Variants in CDC40 observed in about 807,000 individuals in gnomAD.
CDC40 encodes the protein pre-mRNA-processing factor 17.
A neutral mutation model predicts 80.6 loss-of-function variants in CDC40; 27 were observed. That is an observed-to-expected ratio of 0.33 (90% CI 0.25 to 0.46). CDC40 has a LOEUF of 0.46. Among genes scored for constraint, CDC40 ranks in the 20% least tolerant of loss-of-function variants. CDC40 has a pLI of 1.00. For synonymous variants in CDC40, 221 were observed against 232.6 expected, an observed-to-expected ratio of 0.95 and a Z score of 0.45; for missense variants, 486 against 694.1, an observed-to-expected ratio of 0.70 and a Z score of 3.37.
chr6:110,212,770 A>G (rs73537949), intron 7 of CDC40, among the ~76,000 whole-genome samples: 35,251 of 152,138 alleles, frequency 0.23, 6,218 homozygotes, highest in African/African-American at 0.49. Context: ...ATTCCAACTT[A>G]TAATTTCCAA....
chr6:110,215,217 CTGT>C, intron 8 of CDC40, 66 bp from the exon 9 acceptor site: 1 of 1,185,462 alleles, frequency 8.4e-7, no homozygotes, highest in African/African-American at 1.5e-5. Context: ...CAGCATAGGG[CTGT>C]TGTTATTAAT....
intron 5 of CDC40, among the ~76,000 whole-genome samples, chr6:110,209,718 G>C (rs1215640688): frequency 1.3e-5 from 2 of 151,984 alleles, no homozygotes; most frequent in Non-Finnish European, 2.9e-5. Flanking sequence ...CTGTCTCCAT[G>C]AGCCAGAGAG....
intron 1 of CDC40, among the ~76,000 whole-genome samples, chr6:110,192,887 A>G (rs1777369937): frequency 1.3e-5 from 2 of 152,218 alleles, no homozygotes; most frequent in Non-Finnish European, 2.9e-5. Flanking sequence ...TTTTGAGTTA[A>G]TAACAAAGAA....
chr6:110,211,009 T>G (rs1212533465), intron 6 of CDC40: 4 of 237,080 alleles, frequency 1.7e-5, no homozygotes, highest in Non-Finnish European at 3.4e-5. Context: ...TGATTAATGA[T>G]AGCCACAGAT....
At chr6:110,183,467 G>C (rs1347145396) in intron 1 of CDC40, among the ~76,000 whole-genome samples, 1 of 152,226 alleles carries the variant, frequency 6.6e-6, no homozygotes, top group Non-Finnish European at 1.5e-5. Context: ...AGGGAACCCA[G>C]GAGGAAAGGC....
intron 10 of CDC40, among the ~76,000 whole-genome samples, chr6:110,218,363 ATAGT>A (rs1247748684): frequency 2.6e-5 from 4 of 152,220 alleles, no homozygotes; most frequent in African/African-American, 9.7e-5. Flanking sequence ...GGTAATGATA[ATAGT>A]TAATGTTTAT....
intron 4 of CDC40, 59 bp from the exon 5 acceptor site, chr6:110,209,024 GA>G: frequency 9.6e-7 from 1 of 1,042,442 alleles, no homozygotes; most frequent in Non-Finnish European, 1.4e-6. Context: ...TATTTCTTTA[GA>G]AAATGTACAT....
rs1777917961 is a variant in CDC40 at position 110,230,230 on chromosome 6, ATGT to A, written c.*102_*104del. Reference sequence around the variant, plus strand: ...CTGATGATAACTTGATTTACAGATAATGTTGATGACATTGACCCTTTGTTTAAA... The same window carrying A: ...CTGATGATAACTTGATTTACAGATAATGATGACATTGACCCTTTGTTTAAA... On this transcript the variant is annotated 3_prime_UTR_variant, in exon 15 of 15. Coordinates refer to ENST00000307731, the MANE Select transcript of CDC40 (RefSeq NM_015891.3). The A allele has an allele frequency of 1.4e-6, 1 of 735,390 alleles. No individual in the cohort carries two copies. 45.6% of individuals were successfully genotyped at this position (735,390 alleles called of 1,614,324 possible). A position where few individuals can be genotyped will look rare whatever the true frequency, so the allele number is the denominator to read the frequency against.
chr6:110,221,683 T>G (rs1237499241), intron 12 of CDC40, among the ~76,000 whole-genome samples: 1 of 152,200 alleles, frequency 6.6e-6, no homozygotes, highest in East Asian at 1.9e-4. Flanking sequence ...ACTCAAACTT[T>G]CTGATGTTTC....
chr6:110,217,053 G>A (rs1777709913), intron 9 of CDC40, among the ~76,000 whole-genome samples: 1 of 152,106 alleles, frequency 6.6e-6, no homozygotes, highest in African/African-American at 2.4e-5. Context: ...CTTACAGTGA[G>A]CTGAGATCCA....
At chr6:110,224,953 CCTTTTTT>C (rs1777831624) in intron 12 of CDC40, among the ~76,000 whole-genome samples, 1 of 152,150 alleles carries the variant, frequency 6.6e-6, no homozygotes, top group South Asian at 2.1e-4. Flanking sequence ...AAGAAACAAG[CCTTTTTT>C]CATTTGCAGC....
Position 110,180,611 on chromosome 6 carries a change from C to G in CDC40, c.167C>G (p.Ser56Trp). 1 of 1,613,444 alleles carries G rather than the reference C, an allele frequency of 6.2e-7. No homozygotes were observed. The highest frequency in any genetic ancestry group is 2.2e-5 in the East Asian group (1 of 44,866). Reference protein sequence around the residue: ...SKPSLAVAVDSAPEVAVKEDL... With the variant: ...SKPSLAVAVDWAPEVAVKEDL... ...CCGTCTCTAGCAGTGGCAGTGGACTCGGCTCCGGAGGTGGCAGTTAAGGTA... is the reference window on the plus strand; with the variant it reads ...CCGTCTCTAGCAGTGGCAGTGGACTGGGCTCCGGAGGTGGCAGTTAAGGTA... The change falls in exon 1 of 15, where the codon TCG (serine) becomes TGG (tryptophan). Residue 56 changes from serine to tryptophan, a missense_variant. Around this residue, in one of 3 missense-constraint regions of CDC40, gnomAD observed 381 missense variants for 492.1 expected, o/e 0.77. Transcript: ENST00000307731.
intron 5 of CDC40, among the ~76,000 whole-genome samples, chr6:110,209,985 A>C (rs771207540): frequency 6.6e-6 from 1 of 152,206 alleles, no homozygotes; most frequent in Non-Finnish European, 1.5e-5. Context: ...TTGTGTCACA[A>C]ATGTATAGCT....
chr6:110,225,481 TCAC>T (rs1417547812), intron 12 of CDC40, among the ~76,000 whole-genome samples: 1 of 151,790 alleles, frequency 6.6e-6, no homozygotes, highest in Admixed American at 6.6e-5. Flanking sequence ...TTTTTCTCCT[TCAC>T]CAAACACATT....
At position 110,180,436 on chromosome 6, in the gene CDC40, G is replaced by A. The variant is rs747956291; in HGVS notation, c.-9G>A. 5.0e-6 allele frequency: 8 copies of A among 1,613,916 alleles called. No individual in the cohort carries two copies. The Admixed American group carries it at 8.3e-5, about 17-fold the overall frequency. ...CTGGCAGGGTCTCCGCAGAAGATTT[G>A]TTGCCGTCATGTCGGCTGCGATTGC... On this transcript the variant is annotated 5_prime_UTR_variant, in exon 1 of 15. Transcript: ENST00000307731.
chr6:110,185,241 C>CTT lies in CDC40; in HGVS notation c.189+4625_189+4626dup, dbSNP rs1227694611. ...CCTTTCTTTTTCTTCATCTTTTTTT[C>CTT]TTTTTTTTTTTTTTTTTTGGAGACG... On this transcript the variant is annotated intron_variant, in intron 1 of 14. Transcript: ENST00000307731. Among the ~76,000 whole-genome samples, 589 of 123,982 alleles carry CTT rather than the reference C, an allele frequency of 4.8e-3. 15 individuals are homozygous for CTT. The highest frequency in any genetic ancestry group is 0.042 in the South Asian group (156 of 3,688). 81.3% of individuals were successfully genotyped at this position (123,982 alleles called of 152,430 possible).
chr6:110,184,388 T>G (rs1008933391), intron 1 of CDC40, among the ~76,000 whole-genome samples: 2 of 150,784 alleles, frequency 1.3e-5, no homozygotes, highest in African/African-American at 4.9e-5. Flanking sequence ...TTAGTTTTGT[T>G]TTTTTTTTTC....
At chr6:110,208,497 A>G (rs555925265) in intron 4 of CDC40, among the ~76,000 whole-genome samples, 2 of 152,182 alleles carry the variant, frequency 1.3e-5, no homozygotes, top group Non-Finnish European at 2.9e-5. Context: ...TTTACTGTTA[A>G]CGTTAATGAT....
intron 6 of CDC40, chr6:110,211,108 G>T (rs79787129): frequency 0.018 from 2,882 of 158,182 alleles, 88 homozygotes; most frequent in African/African-American, 0.066. Context: ...GTAAGATAAA[G>T]TTGACTCTTT....
Sources: gnomAD v4.1 joint callset for allele counts (sites outside exome capture counted in the v4.1 genomes callset) on GRCh38, gnomAD v4.1.1 for gene constraint, gnomAD v4.1.1 regional missense constraint, MANE v1.5 for transcripts, NCBI Gene and HGNC (gene_info 2026-07-23, HGNC 2026-07-21) for gene names.